The following RUVBL2 variants were observed in gnomAD, a reference collection of about 807,000 sequenced individuals.
The protein encoded by RUVBL2 is RuvB like AAA ATPase 2, also known as ruvB-like 2.
A neutral mutation model predicts 57.9 loss-of-function variants in RUVBL2; 9 were observed. The ratio of observed to expected loss-of-function variants is 0.16; its 90% CI spans 0.09 to 0.27. The LOEUF (loss-of-function observed/expected upper bound fraction) is 0.27. RUVBL2 is among the 10% of genes least tolerant of loss of function. RUVBL2 has a pLI of 1.00. For synonymous variants in RUVBL2, 278 were observed against 264.6 expected (o/e 1.05, Z -0.49); for missense variants, 456 against 669.6 (o/e 0.68, Z 3.52).
intron 6 of RUVBL2, among the ~76,000 whole-genome samples, chr19:49,009,160 C>CA (rs61402282): frequency 0.019 from 399 of 21,424 alleles, 119 homozygotes; most frequent in East Asian, 0.036. Flanking sequence ...GACTCTATCT[C>CA]AAAAAAAAAA....
intron 2 of RUVBL2, chr19:49,001,528 GACCC>G (rs1423478960): frequency 1.3e-5 from 2 of 150,520 alleles, no homozygotes; most frequent in East Asian, 3.9e-4. Context: ...GTGAGCTGAG[GACCC>G]AGTAGAGACT....
In RUVBL2 at chr19:48,993,929, T is replaced by G. The variant is rs2038997670; in HGVS notation, c.12+6T>G. The G allele has an allele frequency of 6.2e-7, 1 of 1,613,440 alleles. No individual in the cohort carries two copies. Among genetic ancestry groups the G allele is most frequent in the African/African-American group, 1.3e-5 (1 of 74,712 alleles). On this transcript the variant is annotated splice_donor_region_variant and intron_variant, in intron 1 of 14. Transcript: ENST00000595090. ...TGAGCATCATGGCAACCGTTGTAAG[T>G]GTGGGTGCATGGAGGGTGAGGAGCG...
chr19:49,004,143 AGG>A, intron 3 of RUVBL2, 132 bp from the exon 4 acceptor site: 15 of 825,282 alleles, frequency 1.8e-5, no homozygotes, highest in Admixed American at 2.9e-5. Flanking sequence ...AAAAAAAAGC[AGG>A]GAAAGCTTTT....
At chr19:49,003,834 A>G (rs2039229861) in intron 3 of RUVBL2, among the ~76,000 whole-genome samples, 1 of 150,968 alleles carries the variant, frequency 6.6e-6, no homozygotes, top group Non-Finnish European at 1.5e-5. Context: ...AAAAAGTTAG[A>G]CTGGGTGCAA....
intron 1 of RUVBL2, among the ~76,000 whole-genome samples, chr19:48,996,028 C>T (rs2039051888): frequency 6.6e-6 from 1 of 150,984 alleles, no homozygotes; most frequent in South Asian, 2.1e-4. Context: ...GAAAATTAGC[C>T]AAGTGTGGTG....
intron 12 of RUVBL2, 58 bp from the exon 13 acceptor site, chr19:49,014,963 C>A: frequency 6.4e-7 from 1 of 1,553,778 alleles, no homozygotes; most frequent in Non-Finnish European, 8.7e-7. Flanking sequence ...GTGGCCACTT[C>A]TGCTGCAGTC....
chr19:49,012,788 C>T (rs539690133), intron 11 of RUVBL2, among the ~76,000 whole-genome samples: 190 of 152,086 alleles, frequency 1.2e-3, no homozygotes, highest in South Asian at 6.5e-3. Context: ...CTTGCTCTGT[C>T]GCCCAGGCTG....
At chr19:48,999,284 C>T in intron 1 of RUVBL2, 35 bp from the exon 2 acceptor site, 5 of 1,612,472 alleles carry the variant, frequency 3.1e-6, no homozygotes, top group Non-Finnish European at 4.2e-6. Flanking sequence ...GCTGGGACCA[C>T]ACTAGTCCTC....
intron 1 of RUVBL2, 56 bp from the exon 2 acceptor site, chr19:48,999,263 G>A (rs2039129307): frequency 3.2e-6 from 5 of 1,575,854 alleles, no homozygotes; most frequent in South Asian, 1.1e-5. Flanking sequence ...ACAGAGGAGG[G>A]GTTGGTGAAA....
intron 1 of RUVBL2, among the ~76,000 whole-genome samples, chr19:48,996,592 C>G (rs1028133405): frequency 6.6e-6 from 1 of 151,910 alleles, no homozygotes; most frequent in Admixed American, 6.6e-5. Context: ...GTGGCGCGAT[C>G]TCTGCTCGCT....
At chr19:48,999,021 C>A (rs1392263449) in intron 1 of RUVBL2, among the ~76,000 whole-genome samples, 3 of 149,736 alleles carry the variant, frequency 2.0e-5, no homozygotes, top group Non-Finnish European at 4.4e-5. Flanking sequence ...AGCGAGACTT[C>A]ATCTCAAAAA....
intron 1 of RUVBL2, chr19:48,994,196 A>C (rs16981031): frequency 0.079 from 42,712 of 538,352 alleles, 2,034 homozygotes; most frequent in Admixed American, 0.13. Context: ...TTTCAAAATC[A>C]TCTTGGCGCA....
chr19:48,994,019 G>C (rs2039000532), intron 1 of RUVBL2, 96 bp downstream of exon 1: 1 of 1,460,452 alleles, frequency 6.8e-7, no homozygotes, highest in Non-Finnish European at 9.5e-7. Context: ...TCTGAGGGAG[G>C]GGGGATCTGG....
At chr19:49,004,140 A>AAAT in intron 3 of RUVBL2, 137 bp from the exon 4 acceptor site, 1 of 975,628 alleles carries the variant, frequency 1.0e-6, no homozygotes, top group Non-Finnish European at 1.5e-6. Context: ...AAAAAAAAAA[A>AAAT]GCAGGGAAAG....
chr19:49,008,657 T>A (rs2039334726), intron 6 of RUVBL2, among the ~76,000 whole-genome samples: 1 of 151,840 alleles, frequency 6.6e-6, no homozygotes, highest in Admixed American at 6.6e-5. Context: ...CGAGCCTGAC[T>A]AACATGGTGA....
At chr19:48,996,483 G>A (rs949441637) in intron 1 of RUVBL2, among the ~76,000 whole-genome samples, 3 of 144,698 alleles carry the variant, frequency 2.1e-5, no homozygotes, top group Admixed American at 6.9e-5. Flanking sequence ...GCGTCACCAC[G>A]CCCAGCTAAT....
At chr19:49,003,380 T>C in intron 3 of RUVBL2, 46 bp downstream of exon 3, 2 of 1,570,898 alleles carry the variant, frequency 1.3e-6, no homozygotes, top group South Asian at 2.2e-5. Context: ...CATGAAGGTC[T>C]TGGGTAGTGG....
At chr19:49,001,163 A>T (rs925705980) in intron 2 of RUVBL2, among the ~76,000 whole-genome samples, 16 of 137,370 alleles carry the variant, frequency 1.2e-4, no homozygotes, top group African/African-American at 2.1e-4. Context: ...AAATAAAAAC[A>T]TTTTTTTTTT....
At chr19:49,014,334 G>T in intron 11 of RUVBL2, 150 bp from the exon 12 acceptor site, 1 of 878,724 alleles carries the variant, frequency 1.1e-6, no homozygotes, top group Non-Finnish European at 1.7e-6. Flanking sequence ...CATCAGGGGT[G>T]ATGTCATCAT....
Sources: allele counts gnomAD v4.1 joint callset (sites outside exome capture counted in the v4.1 genomes callset), GRCh38; gene constraint gnomAD v4.1.1; transcripts MANE v1.5; gene names NCBI Gene and HGNC (gene_info 2026-07-23, HGNC 2026-07-21).